PLEKHO1: variants seen among roughly 807,000 people sequenced by gnomAD.
The protein encoded by PLEKHO1 is pleckstrin homology domain containing O1, also known as pleckstrin homology domain-containing family O member 1.
In PLEKHO1, 22 loss-of-function variants were observed where a neutral mutation model predicts 41.4. The observed-to-expected ratio is 0.53, with a 90% CI of 0.38 to 0.76. The LOEUF is 0.76. PLEKHO1 is among the 30% of genes least tolerant of loss of function. The pLI is 0.00. For synonymous variants in PLEKHO1, 225 were observed against 210.8 expected, an observed-to-expected ratio of 1.07 and a Z score of -0.58; for missense variants, 488 against 518.3, an observed-to-expected ratio of 0.94 and a Z score of 0.57.
chr1:150,150,413 C>CCCTCGG (rs1276021599), intron 1 of PLEKHO1, 126 bp downstream of exon 1: 1 of 318,238 alleles, frequency 3.1e-6, no homozygotes, highest in African/African-American at 2.3e-5. Flanking sequence ...CGGCCCGGTC[C>CCCTCGG]CCTCGGCCTC....
rs1345046035 is a variant in PLEKHO1 at position 150,158,851 on chromosome 1, C to T, written c.558C>T (p.Thr186=). The change falls in exon 6 of 6, where the codon ACC becomes ACT. Residue 186 remains threonine, a synonymous_variant. Transcript: ENST00000369124. ...ASTSTSDGML[T]LDLIQEEDPS... ...CCTCTACCTCGGATGGGATGCTGAC[C>T]TTGGACTTGATCCAAGAGGAAGACC... 3 of 1,612,172 alleles carry T rather than the reference C, an allele frequency of 1.9e-6. No individual in the cohort carries two copies. The highest frequency in any genetic ancestry group is 2.7e-5 in the African/African-American group (2 of 74,884).
At chr1:150,158,526 A>C (rs1660270445) in intron 5 of PLEKHO1, among the ~76,000 whole-genome samples, 1 of 706 alleles carries the variant, frequency 1.4e-3, no homozygotes, top group African/African-American at 0.011. Flanking sequence ...CCTCTGCTAA[A>C]AATACAAAAA....
chr1:150,159,502 G>A lies in PLEKHO1; in HGVS notation c.1209G>A (p.Gln403=), dbSNP rs1202707400. 12 of 1,605,866 alleles carry A rather than the reference G, an allele frequency of 7.5e-6. No individual in the cohort carries two copies. Among genetic ancestry groups the A allele is most frequent in the African/African-American group, 1.3e-5 (1 of 74,730 alleles). The change falls in exon 6 of 6, where the codon CAG becomes CAA. Residue 403 remains glutamine (Q), a synonymous_variant. Coordinates refer to ENST00000369124, the MANE Select transcript of PLEKHO1 (RefSeq NM_016274.6). The part of the protein sequence containing the change: ...SHLRQTTPHS[Q]YRKSLM Reference sequence around the variant, plus strand: ...TCAGACAGACCACCCCGCACAGTCAGTACCGGAAGAGCCTGATGTGAGGGC... The same window carrying A: ...TCAGACAGACCACCCCGCACAGTCAATACCGGAAGAGCCTGATGTGAGGGC...
Position 150,151,017 on chromosome 1 carries a change from G to C in PLEKHO1, c.136G>C (p.Val46Leu). ...CAGGGAGATTTGGAAAAACCGCTATGTGGTGCTGAAAGGGGACCAGCTCTA... is the reference window on the plus strand; with the variant it reads ...CAGGGAGATTTGGAAAAACCGCTATCTGGTGCTGAAAGGGGACCAGCTCTA... ...IFREIWKNRY[V>L]VLKGDQLYIS... Residue 46 changes from valine to leucine, a missense_variant, in exon 2 of 6, where the codon GTG becomes CTG. Val to Leu is a conservative substitution (Grantham distance 32). Transcript: ENST00000369124. The C allele has an allele frequency of 6.2e-7, 1 of 1,614,190 alleles. No individual in the cohort carries two copies. Among genetic ancestry groups the C allele is most frequent in the Non-Finnish European group, 8.5e-7 (1 of 1,180,030 alleles).
intron 5 of PLEKHO1, 69 bp downstream of exon 5, chr1:150,157,555 A>T: frequency 8.9e-7 from 1 of 1,122,846 alleles, no homozygotes; most frequent in Non-Finnish European, 1.3e-6. Flanking sequence ...ACAGAACTGT[A>T]TGCCACCAGA....
chr1:150,150,834 C>T, intron 1 of PLEKHO1, 78 bp from the exon 2 acceptor site: 3 of 1,373,200 alleles, frequency 2.2e-6, no homozygotes, highest in East Asian at 2.3e-5. Flanking sequence ...GCCGCCGAGG[C>T]GGTCGTGAGA....
In PLEKHO1 at chr1:150,157,412, G is replaced by T. The variant is rs1660218460; in HGVS notation, c.451G>T (p.Ala151Ser). The change falls in exon 5 of 6, where the codon GCC becomes TCC. Residue 151 changes from alanine to serine, a missense_variant. Ala to Ser is a moderately conservative substitution (Grantham distance 99). Coordinates refer to ENST00000369124, the MANE Select transcript of PLEKHO1 (RefSeq NM_016274.6). Reference protein sequence around the residue: ...EVTVEEDSYLAHPTRDRAKIQ... With the variant: ...EVTVEEDSYLSHPTRDRAKIQ... The stretch of plus-strand genomic sequence containing the variant: ...CACCGTTGAGGAGGACAGCTATCTT[G>T]CCCATCCCACTCGAGACAGGGCAAA... 1 of 1,613,884 alleles carries T rather than the reference G, an allele frequency of 6.2e-7. No homozygotes were observed. Among genetic ancestry groups the T allele is most frequent in the Non-Finnish European group, 8.5e-7 (1 of 1,179,844 alleles).
intron 5 of PLEKHO1, among the ~76,000 whole-genome samples, chr1:150,157,726 G>A (rs587655045): frequency 6.6e-6 from 1 of 152,234 alleles, no homozygotes; most frequent in Non-Finnish European, 1.5e-5. Context: ...GAGAAAATGA[G>A]TTATACCCAC....
rs41264973 is a variant in PLEKHO1 at position 150,159,882 on chromosome 1, G to A, written c.*359G>A. 7.5e-5 allele frequency: 14 copies of A among 186,994 alleles called. No individual in the cohort carries two copies. The highest frequency in any genetic ancestry group is 2.7e-4 in the East Asian group (2 of 7,380). The allele number at this position is 186,994 out of a possible 1,614,324, so 11.6% of individuals were successfully genotyped here. A position where few individuals can be genotyped will look rare whatever the true frequency, so the allele number is the denominator to read the frequency against. ...TACAGTGGGCTTCTAAGCTTAGAGC[G>A]GGAGGGGGATGAGGATGTTTTCTGT... On this transcript the variant is annotated 3_prime_UTR_variant, in exon 6 of 6. Transcript: ENST00000369124.
intron 2 of PLEKHO1, among the ~76,000 whole-genome samples, chr1:150,151,821 C>G (rs1659948195): frequency 6.6e-6 from 1 of 152,188 alleles, no homozygotes; most frequent in Admixed American, 6.5e-5. Flanking sequence ...TAATTGAATC[C>G]AGACCCATCT....
chr1:150,150,183 G>T lies in PLEKHO1; in HGVS notation c.-75G>T. The T allele has an allele frequency of 1.5e-6, 1 of 666,436 alleles. No homozygotes were observed. Among genetic ancestry groups the T allele is most frequent in the Non-Finnish European group, 1.9e-6 (1 of 532,972 alleles). 41.3% of individuals were successfully genotyped at this position (666,436 alleles called of 1,614,324 possible). A position where few individuals can be genotyped will look rare whatever the true frequency, so the allele number is the denominator to read the frequency against. On this transcript the variant is annotated 5_prime_UTR_variant, in exon 1 of 6. Transcript: ENST00000369124. ...TCCGACGCCCTCCCGCGGGGAAGGA[G>T]CCCCCGCGGTGCCGCCGAGGCCCCG...
At position 150,159,382 on chromosome 1, in the gene PLEKHO1, A is replaced by G. The variant is rs782765376; in HGVS notation, c.1089A>G (p.Ser363=). 1.6e-5 allele frequency: 26 copies of G among 1,614,044 alleles called. No homozygotes were observed. The highest frequency in any genetic ancestry group is 2.7e-5 in the African/African-American group (2 of 74,904). ...CGGAACGGCTGCTGGGAGAGGCATCATCGAATTGGAGCCAGGCAAAGAGGG... is the reference window on the plus strand; with the variant it reads ...CGGAACGGCTGCTGGGAGAGGCATCGTCGAATTGGAGCCAGGCAAAGAGGG... ...LETERLLGEA[S]SNWSQAKRVL... Residue 363 remains serine, a synonymous_variant, in exon 6 of 6, where the codon TCA becomes TCG. Coordinates refer to ENST00000369124, the MANE Select transcript of PLEKHO1 (RefSeq NM_016274.6).
intron 2 of PLEKHO1, 128 bp downstream of exon 2, chr1:150,151,186 C>G: frequency 1.1e-6 from 1 of 930,724 alleles, no homozygotes; most frequent in Non-Finnish European, 1.7e-6. Flanking sequence ...CCTCTCTACC[C>G]CCATCTCATC....
intron 4 of PLEKHO1, 98 bp downstream of exon 4, chr1:150,157,113 G>A (rs1216715384): frequency 2.0e-5 from 16 of 798,650 alleles, no homozygotes; most frequent in Admixed American, 5.6e-5. Context: ...CCGTTTACTC[G>A]CTCCTCCACC....
In PLEKHO1 at chr1:150,158,986, G is replaced by C. The variant is rs782394565; in HGVS notation, c.693G>C (p.Gln231His). 3 of 1,614,064 alleles carry C rather than the reference G, an allele frequency of 1.9e-6. No individual in the cohort carries two copies. The highest frequency in any genetic ancestry group is 2.5e-6 in the Non-Finnish European group (3 of 1,180,022). Reference sequence around the variant, plus strand: ...GGAGAGCGGACTCAGACCGCATCCAGCCCTCCGCAGACCGGGCAAGCAGTC... The same window carrying C: ...GGAGAGCGGACTCAGACCGCATCCACCCCTCCGCAGACCGGGCAAGCAGTC... ...SRRRADSDRI[Q>H]PSADRASSLS... Residue 231 changes from glutamine (Q) to histidine (H), a missense_variant, in exon 6 of 6, where the codon CAG (glutamine) becomes CAC (histidine). By Grantham distance (24) the Gln-to-His change is conservative. Around this residue, in one of 3 missense-constraint regions of PLEKHO1, gnomAD observed 337 missense variants for 324.6 expected, o/e 1.04. Transcript: ENST00000369124.
intron 1 of PLEKHO1, 27 bp from the exon 2 acceptor site, chr1:150,150,885 C>G: frequency 1.2e-6 from 2 of 1,610,402 alleles, no homozygotes; most frequent in Non-Finnish European, 1.7e-6. Flanking sequence ...CTCCTAACCG[C>G]CCGCTTCTCA....
chr1:150,156,294 A>C, intron 3 of PLEKHO1, 88 bp downstream of exon 3: 1 of 1,154,180 alleles, frequency 8.7e-7, no homozygotes, highest in Non-Finnish European at 1.2e-6. Flanking sequence ...TTTCTCTCTC[A>C]GCAATCTTGG....
At chr1:150,152,984 TCTGA>T (rs587704814) in intron 2 of PLEKHO1, 2 of 152,286 alleles carry the variant, frequency 1.3e-5, no homozygotes, top group African/African-American at 4.8e-5. Flanking sequence ...GTCAGGACCA[TCTGA>T]CTGGTCATGG....
chr1:150,152,711 A>AAAAC, intron 2 of PLEKHO1: 1 of 150,782 alleles, frequency 6.6e-6, no homozygotes, highest in African/African-American at 2.4e-5. Flanking sequence ...AAAAAAAAAA[A>AAAAC]ACAAGTGTCA....
Sources: allele counts gnomAD v4.1 joint callset (sites outside exome capture counted in the v4.1 genomes callset), GRCh38; gene constraint gnomAD v4.1.1; regional missense constraint gnomAD v4.1.1; transcripts MANE v1.5; gene names NCBI Gene and HGNC (gene_info 2026-07-23, HGNC 2026-07-21).